LIN54: variants seen among roughly 807,000 people sequenced by gnomAD.
LIN54 encodes protein lin-54 homolog.
LIN54 carries 9 observed loss-of-function variants against 78.7 expected under a neutral mutation model. The observed-to-expected ratio is 0.11, with a 90% CI of 0.07 to 0.20. LIN54 has a LOEUF of 0.20. Among genes scored for constraint, LIN54 ranks in the 10% least tolerant of loss-of-function variants. The pLI, the probability that LIN54 is intolerant of heterozygous loss-of-function variation, is 1.00. For missense variants in LIN54, 573 were observed against 889.9 expected (o/e 0.64, Z 4.53); for synonymous variants, 269 against 318.4 (o/e 0.84, Z 1.65).
intron 1 of LIN54, among the ~76,000 whole-genome samples, chr4:82,995,463 T>C (rs546484429): frequency 6.7e-6 from 1 of 149,128 alleles, no homozygotes; most frequent in African/African-American, 2.5e-5. Flanking sequence ...TATAGATGAC[T>C]GTCTTATGAT....
chr4:82,985,239 T>C (rs1452193714), intron 1 of LIN54, among the ~76,000 whole-genome samples: 1 of 152,206 alleles, frequency 6.6e-6, no homozygotes, highest in African/African-American at 2.4e-5. Context: ...CAGATTTTTT[T>C]CCTCTCATTG....
At chr4:82,980,502 T>C (rs1726542835) in intron 2 of LIN54, among the ~76,000 whole-genome samples, 2 of 152,098 alleles carry the variant, frequency 1.3e-5, no homozygotes. Context: ...ACCTACAATA[T>C]ATTACTTTTT....
chr4:82,938,342 T>G (rs930946557), intron 8 of LIN54, 71 bp downstream of exon 8: 1 of 843,700 alleles, frequency 1.2e-6, no homozygotes, highest in African/African-American at 1.7e-5. Flanking sequence ...GGATGTAGTT[T>G]GGAATATATA....
At chr4:82,960,245 C>T (rs1254282409) in intron 4 of LIN54, among the ~76,000 whole-genome samples, 1 of 152,024 alleles carries the variant, frequency 6.6e-6, no homozygotes, top group East Asian at 1.9e-4. Context: ...TCACTGTAAC[C>T]TCAAACTGCT....
Position 82,984,373 on chromosome 4 carries a change from G to T in LIN54, c.472C>A (p.His158Asn). The T allele has an allele frequency of 6.2e-7, 1 of 1,614,174 alleles. No individual in the cohort carries two copies. Among genetic ancestry groups the T allele is most frequent in the Non-Finnish European group, 8.5e-7 (1 of 1,180,026 alleles). The change falls in exon 2 of 13, where the codon CAT becomes AAT. Residue 158 changes from histidine to asparagine, a missense_variant. Physicochemically the swap from His to Asn is moderately conservative, Grantham distance 68. Transcript: ENST00000340417. ...SGSPIVLALP[H>N]SQLPQAQKVT... ...TTCTGAGCCTGGGGTAGTTGGCTATGGGGTAGTGCTAAAACAATTGGTGAA... is the reference window on the plus strand; with the variant it reads ...TTCTGAGCCTGGGGTAGTTGGCTATTGGGTAGTGCTAAAACAATTGGTGAA...
chr4:82,939,985 A>T, intron 5 of LIN54, 23 bp from the exon 6 acceptor site: 1 of 1,526,812 alleles, frequency 6.5e-7, no homozygotes, highest in Non-Finnish European at 8.9e-7. Context: ...CAAAAGAAGG[A>T]TGAACAAGTT....
intron 2 of LIN54, among the ~76,000 whole-genome samples, chr4:82,982,707 GTAA>G (rs1726776834): frequency 6.6e-6 from 1 of 152,138 alleles, no homozygotes; most frequent in African/African-American, 2.4e-5. Context: ...TAAGTGAGAA[GTAA>G]TAATGAACAA....
At chr4:82,975,088 T>G (rs1726052016) in intron 3 of LIN54, among the ~76,000 whole-genome samples, 2 of 152,140 alleles carry the variant, frequency 1.3e-5, no homozygotes, top group South Asian at 4.1e-4. Context: ...CTGGGTGCAG[T>G]GGCTCACATC....
chr4:82,989,320 CTTCT>C (rs1370107891), intron 1 of LIN54, among the ~76,000 whole-genome samples: 2 of 152,284 alleles, frequency 1.3e-5, no homozygotes, highest in South Asian at 2.1e-4. Context: ...AGTACTAGCA[CTTCT>C]TTATGTCGCT....
At chr4:83,001,461 G>C (rs779881381) in intron 1 of LIN54, among the ~76,000 whole-genome samples, 51 of 151,946 alleles carry the variant, frequency 3.4e-4, no homozygotes, top group Admixed American at 7.2e-4. Flanking sequence ...CAGGTGGAAG[G>C]ATCACTTGAG....
At chr4:82,958,071 T>A (rs1724485700) in intron 4 of LIN54, among the ~76,000 whole-genome samples, 1 of 152,208 alleles carries the variant, frequency 6.6e-6, no homozygotes, top group East Asian at 1.9e-4. Context: ...TGCAAGCTGT[T>A]CAACGTAAGC....
intron 5 of LIN54, among the ~76,000 whole-genome samples, chr4:82,940,837 G>A (rs1420427116): frequency 6.6e-6 from 1 of 152,176 alleles, no homozygotes; most frequent in East Asian, 1.9e-4. Flanking sequence ...AGCTCTCTTT[G>A]CCTGTATCCT....
intron 1 of LIN54, among the ~76,000 whole-genome samples, chr4:82,988,683 G>A (rs1042026256): frequency 6.6e-5 from 10 of 152,128 alleles, no homozygotes; most frequent in Admixed American, 2.0e-4. Context: ...GAGAGTTCCA[G>A]CTGCTGCACA....
At chr4:82,936,181 A>C in intron 10 of LIN54, 63 bp from the exon 11 acceptor site, 2 of 1,586,512 alleles carry the variant, frequency 1.3e-6, no homozygotes, top group Non-Finnish European at 1.7e-6. Flanking sequence ...TAAACACTGC[A>C]AAAGGAATTG....
At chr4:82,945,425 TA>T (rs1469482299) in intron 5 of LIN54, among the ~76,000 whole-genome samples, 1 of 151,920 alleles carries the variant, frequency 6.6e-6, no homozygotes, top group Admixed American at 6.6e-5. Context: ...AACACAAACA[TA>T]GAAAATAGAA....
chr4:82,950,131 C>A (rs1378883525), intron 4 of LIN54, among the ~76,000 whole-genome samples: 3 of 152,178 alleles, frequency 2.0e-5, no homozygotes, highest in South Asian at 4.1e-4. Flanking sequence ...AGCCACAGTG[C>A]CCAGCCAGCA....
At chr4:82,980,125 G>A (rs1392767830) in intron 2 of LIN54, among the ~76,000 whole-genome samples, 1 of 151,818 alleles carries the variant, frequency 6.6e-6, no homozygotes, top group Admixed American at 6.6e-5. Flanking sequence ...GTTACATATT[G>A]GCACACTGTT....
chr4:82,931,619 T>C (rs1721960587), intron 11 of LIN54, among the ~76,000 whole-genome samples: 1 of 152,076 alleles, frequency 6.6e-6, no homozygotes, highest in Non-Finnish European at 1.5e-5. Context: ...GAAGAGGGAG[T>C]TCGGGAGGGA....
intron 1 of LIN54, among the ~76,000 whole-genome samples, chr4:82,986,955 T>C (rs1578617470): frequency 2.0e-5 from 3 of 152,254 alleles, no homozygotes; most frequent in East Asian, 1.9e-4. Context: ...AGCTAGTAAA[T>C]GGTAGAGCCA....
Sources: allele counts gnomAD v4.1 joint callset (sites outside exome capture counted in the v4.1 genomes callset), GRCh38; gene constraint gnomAD v4.1.1; transcripts MANE v1.5; gene names NCBI Gene and HGNC (gene_info 2026-07-23, HGNC 2026-07-21).